Variants in ZNF407 observed in about 807,000 individuals in gnomAD.
ZNF407 encodes the protein zinc finger protein 407.
In ZNF407, 17 loss-of-function variants were observed where a neutral mutation model predicts 131.2. The observed-to-expected ratio is 0.13, with a 90% CI of 0.09 to 0.19. The LOEUF is 0.19. Ranked by LOEUF, ZNF407 falls within the 10% of genes least tolerant of loss-of-function variation. The pLI, the probability that ZNF407 is intolerant of heterozygous loss-of-function variation, is 1.00. For synonymous variants in ZNF407, 1,156 were observed against 1,062.0 expected, an observed-to-expected ratio of 1.09 and a Z score of -1.72; for missense variants, 2,681 against 2,830.6, an observed-to-expected ratio of 0.95 and a Z score of 1.20.
intron 3 of ZNF407, among the ~76,000 whole-genome samples, chr18:74,685,403 C>T (rs1967074218): frequency 6.6e-6 from 1 of 152,176 alleles, no homozygotes; most frequent in South Asian, 2.1e-4. Context: ...TGTCTTCCTT[C>T]TCCTATTACT....
At chr18:74,996,334 C>T (rs998581397) in intron 8 of ZNF407, among the ~76,000 whole-genome samples, 2 of 152,196 alleles carry the variant, frequency 1.3e-5, no homozygotes, top group African/African-American at 4.8e-5. Context: ...TTCAGTTAGT[C>T]ACCTTCCTTG....
Position 75,064,248 on chromosome 18 carries a change from C to G in ZNF407, c.6527C>G (p.Pro2176Arg). Residue 2176 changes from proline to arginine, a missense_variant, in exon 9 of 9, where the codon CCC becomes CGC. Pro to Arg is a moderately radical substitution (Grantham distance 103). This residue lies in a region of ZNF407 where 620 missense variants were observed against 583.1 expected (regional missense o/e 1.06). Coordinates refer to ENST00000299687, the MANE Select transcript of ZNF407 (RefSeq NM_017757.3). ...GTTHYILTELPPGVQDEPGLY... is the reference protein window; with the variant it reads ...GTTHYILTELRPGVQDEPGLY... ...ACGCACTACATCCTGACAGAGCTGCCCCCAGGGGTGCAGGACGAGCCGGGC... is the reference window on the plus strand; with the variant it reads ...ACGCACTACATCCTGACAGAGCTGCGCCCAGGGGTGCAGGACGAGCCGGGC... 1.2e-6 allele frequency: 2 copies of G among 1,606,910 alleles called. No homozygotes were observed. Among genetic ancestry groups the G allele is most frequent in the South Asian group, 2.2e-5 (2 of 90,282 alleles).
intron 3 of ZNF407, among the ~76,000 whole-genome samples, chr18:74,692,773 C>T (rs1043621561): frequency 1.3e-5 from 2 of 152,080 alleles, no homozygotes; most frequent in African/African-American, 4.8e-5. Context: ...AGCTGAGAGG[C>T]CTTCTTAGCT....
chr18:74,664,696 C>G (rs72967636), intron 3 of ZNF407, among the ~76,000 whole-genome samples: 1 of 152,072 alleles, frequency 6.6e-6, no homozygotes, highest in African/African-American at 2.4e-5. Flanking sequence ...CTCCAGCTGT[C>G]TCTCTGTCTC....
intron 3 of ZNF407, among the ~76,000 whole-genome samples, chr18:74,668,729 CGTT>C (rs1234762297): frequency 2.0e-5 from 3 of 152,050 alleles, no homozygotes; most frequent in African/African-American, 4.8e-5. Flanking sequence ...GATCTTTATA[CGTT>C]GTTAATGACT....
chr18:75,003,618 A>G (rs889905060), intron 8 of ZNF407, among the ~76,000 whole-genome samples: 1 of 152,230 alleles, frequency 6.6e-6, no homozygotes, highest in African/African-American at 2.4e-5. Context: ...CATTCCAGGA[A>G]AACAAACTTT....
chr18:74,945,328 A>G (rs942503504), intron 8 of ZNF407, among the ~76,000 whole-genome samples: 2 of 152,202 alleles, frequency 1.3e-5, no homozygotes, highest in South Asian at 4.1e-4. Context: ...TCCTATAAAT[A>G]TATTTTAGGT....
At chr18:74,837,527 C>T (rs140843030) in intron 4 of ZNF407, among the ~76,000 whole-genome samples, 40 of 152,052 alleles carry the variant, frequency 2.6e-4, no homozygotes, top group African/African-American at 8.2e-4. Flanking sequence ...TATTATTCAT[C>T]AGGATGCTAA....
At chr18:74,771,522 G>T (rs1278966034) in intron 3 of ZNF407, among the ~76,000 whole-genome samples, 2 of 141,732 alleles carry the variant, frequency 1.4e-5, no homozygotes, top group South Asian at 4.8e-4. Context: ...CATCTTATAT[G>T]TTATAAAAAT....
intron 1 of ZNF407, among the ~76,000 whole-genome samples, chr18:74,617,606 TC>T (rs1164238849): frequency 2.6e-5 from 4 of 152,214 alleles, no homozygotes; most frequent in Non-Finnish European, 4.4e-5. Flanking sequence ...TGTTTCCTCT[TC>T]ATTAGCTGGA....
chr18:74,642,810 T>A (rs552271105), intron 3 of ZNF407, among the ~76,000 whole-genome samples: 1 of 152,298 alleles, frequency 6.6e-6, no homozygotes, highest in Non-Finnish European at 1.5e-5. Context: ...TGTGTATGTG[T>A]GCGTTTGTAG....
intron 8 of ZNF407, among the ~76,000 whole-genome samples, chr18:75,011,930 A>G (rs550804401): frequency 6.6e-6 from 1 of 152,294 alleles, no homozygotes; most frequent in African/African-American, 2.4e-5. Flanking sequence ...TTAATAGCCT[A>G]GTAAAATTTA....
chr18:74,996,618 A>G (rs1321668973), intron 8 of ZNF407, among the ~76,000 whole-genome samples: 3 of 152,228 alleles, frequency 2.0e-5, no homozygotes, highest in Non-Finnish European at 4.4e-5. Flanking sequence ...ATGTAGAATT[A>G]GGTTACAACT....
At chr18:75,009,036 A>C (rs1028595501) in intron 8 of ZNF407, among the ~76,000 whole-genome samples, 1 of 152,042 alleles carries the variant, frequency 6.6e-6, no homozygotes, top group African/African-American at 2.4e-5. Context: ...CAGCATTTCT[A>C]TTCTGTTTTA....
intron 3 of ZNF407, among the ~76,000 whole-genome samples, chr18:74,738,785 A>G (rs1169261206): frequency 1.3e-5 from 2 of 152,196 alleles, no homozygotes; most frequent in Non-Finnish European, 2.9e-5. Flanking sequence ...TGAATTCTGT[A>G]AAACAGTACA....
chr18:74,858,092 C>G (rs1483499900), intron 4 of ZNF407, among the ~76,000 whole-genome samples: 2 of 143,856 alleles, frequency 1.4e-5, no homozygotes, highest in Non-Finnish European at 3.1e-5. Context: ...TCCTTTCCTT[C>G]CTTCCTCCCT....
chr18:74,997,655 G>A (rs1308198528), intron 8 of ZNF407, among the ~76,000 whole-genome samples: 1 of 152,068 alleles, frequency 6.6e-6, no homozygotes, highest in Admixed American at 6.5e-5. Flanking sequence ...GGACAGAGCT[G>A]TTTCCTTCAG....
chr18:75,034,687 T>A (rs1393157954), intron 8 of ZNF407, among the ~76,000 whole-genome samples: 1 of 151,824 alleles, frequency 6.6e-6, no homozygotes, highest in Admixed American at 6.6e-5. Context: ...AACCAAAAAA[T>A]GGTTTAGTTC....
chr18:74,945,549 A>C (rs1166357779), intron 8 of ZNF407, among the ~76,000 whole-genome samples: 2 of 152,200 alleles, frequency 1.3e-5, no homozygotes, highest in African/African-American at 4.8e-5. Flanking sequence ...TTAGAATTCT[A>C]AAATAGAAAA....
Sources: gnomAD v4.1 joint callset for allele counts (sites outside exome capture counted in the v4.1 genomes callset) on GRCh38, gnomAD v4.1.1 for gene constraint, gnomAD v4.1.1 regional missense constraint, MANE v1.5 for transcripts, NCBI Gene and HGNC (gene_info 2026-07-23, HGNC 2026-07-21) for gene names.